Variants in ELF2 observed in about 807,000 individuals in gnomAD.
The protein encoded by ELF2 is E74 like ETS transcription factor 2.
In ELF2, 11 loss-of-function variants were observed where a neutral mutation model predicts 54.8. The ratio of observed to expected loss-of-function variants is 0.20; its 90% CI spans 0.13 to 0.33. The LOEUF is 0.33. Ranked by LOEUF, ELF2 falls within the 10% of genes least tolerant of loss-of-function variation. The pLI is 1.00. For synonymous variants in ELF2, 203 were observed against 245.1 expected (o/e 0.83, Z 1.61); for missense variants, 513 against 703.0 (o/e 0.73, Z 3.06).
chr4:139,073,766 C>T (rs1019022635), intron 4 of ELF2, 199 bp from the exon 5 acceptor site: 1 of 304,112 alleles, frequency 3.3e-6, no homozygotes, highest in Non-Finnish European at 5.9e-6. Context: ...CTAATATCTA[C>T]ATTTTATAAA....
chr4:139,061,177 ATTTT>A (rs554564096), intron 8 of ELF2, among the ~76,000 whole-genome samples: 4 of 140,014 alleles, frequency 2.9e-5, no homozygotes, highest in Admixed American at 7.4e-5. Flanking sequence ...CAAACTGATA[ATTTT>A]TTTTTTTTTT....
intron 2 of ELF2, among the ~76,000 whole-genome samples, chr4:139,139,197 C>A (rs1407137886): frequency 2.6e-5 from 4 of 151,962 alleles, no homozygotes; most frequent in African/African-American, 9.7e-5. Flanking sequence ...CCAGAAACTT[C>A]TAGAATAGAA....
intron 3 of ELF2, among the ~76,000 whole-genome samples, chr4:139,132,896 G>GTT (rs1737683845): frequency 1.1e-5 from 1 of 88,878 alleles, no homozygotes; most frequent in Non-Finnish European, 2.3e-5. Context: ...TTTTTTTTTT[G>GTT]GTGGGGGTGA....
At chr4:139,126,828 T>C (rs1736968587) in intron 3 of ELF2, among the ~76,000 whole-genome samples, 1 of 152,102 alleles carries the variant, frequency 6.6e-6, no homozygotes, top group African/African-American at 2.4e-5. Context: ...ATGTATCCCA[T>C]CAATAAGAGA....
At chr4:139,078,612 G>C (rs1281958320) in intron 4 of ELF2, among the ~76,000 whole-genome samples, 1 of 147,184 alleles carries the variant, frequency 6.8e-6, no homozygotes, top group Admixed American at 6.8e-5. Context: ...GGGGGAGAGC[G>C]AACTGCCCTC....
At chr4:139,118,140 T>C (rs566132493) in intron 4 of ELF2, among the ~76,000 whole-genome samples, 2 of 152,288 alleles carry the variant, frequency 1.3e-5, no homozygotes, top group South Asian at 4.1e-4. Context: ...TTCAACAGTA[T>C]ATTTAACAAA....
At chr4:139,151,044 GAAA>G (rs1739882571) in intron 1 of ELF2, among the ~76,000 whole-genome samples, 93 of 63,994 alleles carry the variant, frequency 1.5e-3, no homozygotes, top group African/African-American at 3.8e-3. Context: ...AAGAAAGAAA[GAAA>G]GAAAGAAAGA....
chr4:139,145,404 T>C (rs954629837), intron 1 of ELF2, among the ~76,000 whole-genome samples: 1 of 152,210 alleles, frequency 6.6e-6, no homozygotes, highest in Non-Finnish European at 1.5e-5. Flanking sequence ...CAGCCTGGAA[T>C]GTGGTAACCC....
chr4:139,062,976 C>T (rs1728103938), intron 7 of ELF2, among the ~76,000 whole-genome samples: 1 of 152,138 alleles, frequency 6.6e-6, no homozygotes. Context: ...TTACTGTTGG[C>T]GGGGTGTGGT....
intron 1 of ELF2, among the ~76,000 whole-genome samples, chr4:139,140,447 C>T (rs1307168666): frequency 1.3e-5 from 2 of 152,150 alleles, no homozygotes; most frequent in African/African-American, 4.8e-5. Context: ...TTGCAAGATC[C>T]TCTCATCTTA....
chr4:139,103,115 C>CT (rs1351799595), intron 4 of ELF2, among the ~76,000 whole-genome samples: 1 of 152,148 alleles, frequency 6.6e-6, no homozygotes, highest in Admixed American at 6.5e-5. Flanking sequence ...TGATGTAAAA[C>CT]TTTCTCATGA....
chr4:139,092,442 AT>A (rs1399915394), intron 4 of ELF2, among the ~76,000 whole-genome samples: 1 of 150,672 alleles, frequency 6.6e-6, no homozygotes, highest in East Asian at 2.0e-4. Flanking sequence ...ATAACATAAC[AT>A]AACATAACAT....
At chr4:139,114,842 C>T (rs1735448100) in intron 4 of ELF2, 2 of 1,590,932 alleles carry the variant, frequency 1.3e-6, no homozygotes, top group Non-Finnish European at 1.7e-6. Context: ...CAGGCCTGGC[C>T]GCAGGGTCCC....
In ELF2 at chr4:139,060,493, G is replaced by A. The variant is rs1318463867; in HGVS notation, c.988C>T (p.Leu330Phe). 1.9e-6 allele frequency: 3 copies of A among 1,614,054 alleles called. No homozygotes were observed. Among genetic ancestry groups the A allele is most frequent in the Non-Finnish European group, 2.5e-6 (3 of 1,180,046 alleles). The change falls in exon 9 of 10, where the codon CTC (leucine) becomes TTC (phenylalanine). Residue 330 changes from leucine (L) to phenylalanine (F), a missense_variant. Leu to Phe is a conservative substitution (Grantham distance 22). Transcript: ENST00000686138. ...LERVSLSAES[L>F]LKAASSVRSG... ...CGAACAGAGGATGCTGCTTTCAGGA[G>A]ACTTTCTGCAGACAGTGACACTCGT...
chr4:139,166,517 ATT>A (rs1472788651), intron 1 of ELF2, among the ~76,000 whole-genome samples: 1 of 152,244 alleles, frequency 6.6e-6, no homozygotes, highest in East Asian at 1.9e-4. Context: ...ATTTTCCAGA[ATT>A]CTAATGAAGA....
intron 1 of ELF2, among the ~76,000 whole-genome samples, chr4:139,151,028 A>AGAAAGAAAGAAAGAAAGAAAGAAAGAAAG (rs1553971270): frequency 9.5e-6 from 1 of 105,294 alleles, no homozygotes; most frequent in African/African-American, 5.7e-5. Flanking sequence ...CATCTCAAAA[A>AGAAAGAAAGAAAGAAAGAAAGAAAGAAAG]AAAAAAAGAA....
At position 139,151,096 on chromosome 4, in the gene ELF2, A is replaced by AAAGAGAGAAAGAAAGAAAG. The variant is rs1560871880; in HGVS notation, c.-251-11600_-251-11599insCTTTCTTTCTTTCTCTCTT. On this transcript the variant is annotated intron_variant, in intron 1 of 9. Transcript: ENST00000686138. ...AGAAAGAAAGAAAGAAAGAAAGAAA[A>AAAGAGAGAAAGAAAGAAAG]AGAGAGCTATTTAATAAATTGTGCT... Among the ~76,000 whole-genome samples, 28 of 128,268 alleles carry AAAGAGAGAAAGAAAGAAAG rather than the reference A, an allele frequency of 2.2e-4. 2 individuals are homozygous for AAAGAGAGAAAGAAAGAAAG. Among genetic ancestry groups the AAAGAGAGAAAGAAAGAAAG allele is most frequent in the African/African-American group, 8.9e-4 (28 of 31,380 alleles). 84.1% of individuals were successfully genotyped at this position (128,268 alleles called of 152,430 possible).
intron 4 of ELF2, 97 bp downstream of exon 4, chr4:139,125,067 A>G: frequency 6.9e-7 from 1 of 1,440,600 alleles, no homozygotes; most frequent in Non-Finnish European, 9.3e-7. Flanking sequence ...AATAGCATTA[A>G]AAAGGTTTTT....
intron 4 of ELF2, among the ~76,000 whole-genome samples, chr4:139,079,309 A>G (rs1362955686): frequency 6.6e-6 from 1 of 152,204 alleles, no homozygotes; most frequent in Non-Finnish European, 1.5e-5. Flanking sequence ...ACTTGATTCA[A>G]TAGAAGGCAG....
Sources: allele counts gnomAD v4.1 joint callset (sites outside exome capture counted in the v4.1 genomes callset), GRCh38; gene constraint gnomAD v4.1.1; transcripts MANE v1.5; gene names NCBI Gene and HGNC (gene_info 2026-07-23, HGNC 2026-07-21).